The following KIF13A variants were observed in gnomAD, a reference collection of about 807,000 sequenced individuals.
KIF13A encodes kinesin family member 13A, also known as kinesin-like protein KIF13A.
A neutral mutation model predicts 212.2 loss-of-function variants in KIF13A; 79 were observed. That is an observed-to-expected ratio of 0.37 (90% CI 0.31 to 0.45). The LOEUF (loss-of-function observed/expected upper bound fraction) is 0.45, where lower values mean the gene tolerates loss of function less well. Ranked by LOEUF, KIF13A falls within the 20% of genes least tolerant of loss-of-function variation. The pLI, the probability that KIF13A is intolerant of heterozygous loss-of-function variation, is 1.00. For missense variants in KIF13A, 1,901 were observed against 2,209.0 expected (o/e 0.86, Z 2.79); for synonymous variants, 789 against 808.6 (o/e 0.98, Z 0.41).
chr6:17,843,734 G>A lies in KIF13A; in HGVS notation c.830+5643C>T, dbSNP rs532539330. Among the ~76,000 whole-genome samples, 1 of 152,238 alleles carries A rather than the reference G, an allele frequency of 6.6e-6. No homozygotes were observed. Among genetic ancestry groups the A allele is most frequent in the South Asian group, 2.1e-4 (1 of 4,816 alleles). On this transcript the variant is annotated intron_variant, in intron 9 of 38. Coordinates refer to ENST00000259711, the MANE Select transcript of KIF13A (RefSeq NM_022113.6). The surrounding 1 kb of genome is among the most constrained non-coding windows in gnomAD (Gnocchi z 5.3). Reference sequence around the variant, plus strand: ...TGGTTTCTGTTGCTTAGAGCAGAATGCAATCCCTGGCTTTGAAATAATTAG... The same window carrying A: ...TGGTTTCTGTTGCTTAGAGCAGAATACAATCCCTGGCTTTGAAATAATTAG...
At chr6:17,960,975 T>C (rs898788298) in intron 2 of KIF13A, among the ~76,000 whole-genome samples, 1 of 152,230 alleles carries the variant, frequency 6.6e-6, no homozygotes, top group Non-Finnish European at 1.5e-5. Context: ...CTAAGCCTCC[T>C]TTCAAGAAGC....
chr6:17,866,145 A>G (rs1308397764), intron 4 of KIF13A, among the ~76,000 whole-genome samples: 1 of 152,196 alleles, frequency 6.6e-6, no homozygotes, highest in East Asian at 1.9e-4. Context: ...CTTCATTTCT[A>G]TCTTATTTGA....
intron 2 of KIF13A, among the ~76,000 whole-genome samples, chr6:17,972,541 G>A (rs1369662162): frequency 1.3e-5 from 2 of 152,158 alleles, no homozygotes; most frequent in Non-Finnish European, 2.9e-5. Context: ...ATGTTTAAAG[G>A]CTTGTTAATC....
rs917064027 is a variant in KIF13A at position 17,834,289 on chromosome 6, G to A, written c.1156-218C>T. On this transcript the variant is annotated intron_variant, in intron 11 of 38. Coordinates refer to ENST00000259711, the MANE Select transcript of KIF13A (RefSeq NM_022113.6). The surrounding 1 kb of genome is among the most constrained non-coding windows in gnomAD (Gnocchi z 4.0). Reference sequence around the variant, plus strand: ...AAATACCAGTGTCCTGAATGAAAATGAAACAAATCATTAGTCATTTTATCC... The same window carrying A: ...AAATACCAGTGTCCTGAATGAAAATAAAACAAATCATTAGTCATTTTATCC... 5.9e-5 allele frequency among the ~76,000 whole-genome samples: 9 copies of A among 152,184 alleles called. No individual in the cohort carries two copies. The highest frequency in any genetic ancestry group is 1.2e-4 in the Non-Finnish European group (8 of 68,026).
In KIF13A at chr6:17,808,822, G is replaced by T. The variant is rs749165105; in HGVS notation, c.2109C>A (p.Thr703=). 2.5e-6 allele frequency: 4 copies of T among 1,613,750 alleles called. No homozygotes were observed. The South Asian group carries it at 4.4e-5, about 18-fold the overall frequency. The change falls in exon 18 of 39, where the codon ACC becomes ACA. Residue 703 remains threonine (T), a synonymous_variant. Transcript: ENST00000259711. ...GGATCTGAAGAGTCACTTGGTAATC[G>T]GTGAGTTTGCTCATTTCCTCAGCCA... ...NFLAEEMSKL[T]DYQVTLQIPA... is the part of the protein sequence containing the mutation.
In KIF13A at chr6:17,849,677, G is replaced by A. The variant is rs1281738099; in HGVS notation, c.718-188C>T. Among the ~76,000 whole-genome samples the A allele has an allele frequency of 6.6e-5, 10 of 152,194 alleles. No individual in the cohort carries two copies. Among genetic ancestry groups the A allele is most frequent in the African/African-American group, 1.9e-4 (8 of 41,458 alleles). On this transcript the variant is annotated intron_variant, in intron 8 of 38. Coordinates refer to ENST00000259711, the MANE Select transcript of KIF13A (RefSeq NM_022113.6). This position sits in a 1 kb window ranked among gnomAD's most constrained non-coding sequence, Gnocchi z 5.7. ...TTTCATAGTTAACATTTAAATAGGC[G>A]TAGAAATGTAGCATTTTGTTTTGCA...
chr6:17,780,689 G>C (rs375831071), intron 31 of KIF13A, 41 bp downstream of exon 31: 3 of 1,581,664 alleles, frequency 1.9e-6, no homozygotes, highest in Non-Finnish European at 2.6e-6. Flanking sequence ...AAAATCTTTT[G>C]AGCTCAGAGC....
In KIF13A at chr6:17,975,437, C is replaced by G. The variant is rs574684118; in HGVS notation, c.146+11617G>C. Among the ~76,000 whole-genome samples, 9 of 152,224 alleles carry G rather than the reference C, an allele frequency of 5.9e-5. 1 individual carries two copies. The South Asian group carries it at 1.9e-3, about 32-fold the overall frequency. On this transcript the variant is annotated intron_variant, in intron 2 of 38. Transcript: ENST00000259711. ...TCCTTTTGGTGGGTTCGTGATCTCG[C>G]TAGCTTACAAAAGTGAAGCTACAGA...
chr6:17,928,153 T>C (rs924535233), intron 2 of KIF13A, among the ~76,000 whole-genome samples: 5 of 152,238 alleles, frequency 3.3e-5, no homozygotes, highest in African/African-American at 9.6e-5. Context: ...TCTGTGAAGC[T>C]AGTCACCTGG....
At chr6:17,941,787 T>C (rs1427154875) in intron 2 of KIF13A, among the ~76,000 whole-genome samples, 1 of 150,882 alleles carries the variant, frequency 6.6e-6, no homozygotes, top group African/African-American at 2.4e-5. Context: ...CCAATACATT[T>C]GCTTTTTTTT....
intron 2 of KIF13A, among the ~76,000 whole-genome samples, chr6:17,925,423 C>T (rs1775418913): frequency 6.6e-6 from 1 of 152,160 alleles, no homozygotes; most frequent in Non-Finnish European, 1.5e-5. Context: ...CTTTGAGATG[C>T]TTATTAGACA....
downstream of KIF13A, among the ~76,000 whole-genome samples, chr6:17,761,356 C>T (rs1355787282): frequency 2.6e-5 from 4 of 151,968 alleles, no homozygotes; most frequent in Non-Finnish European, 4.4e-5. Context: ...GCTAGGACTA[C>T]GGGCGTGAGC....
In KIF13A at chr6:17,764,186, C is replaced by T. The variant is rs759299890; in HGVS notation, c.5342G>A (p.Ser1781Asn). 1.9e-6 allele frequency: 3 copies of T among 1,614,038 alleles called. No individual in the cohort carries two copies. Among genetic ancestry groups the T allele is most frequent in the Non-Finnish European group, 2.5e-6 (3 of 1,179,894 alleles). ...ATTCTCTAACTTGGAATGCAGCTGG[C>T]TGGGGTGGTGGAGCCCATCGGAGAC... ...KTVSDGLHHP[S>N]QLHSKLENDQ... The change falls in exon 39 of 39, where the codon AGC (serine) becomes AAC (asparagine). Residue 1781 changes from serine to asparagine, a missense_variant. Transcript: ENST00000259711. The surrounding 1 kb of genome is among the most constrained non-coding windows in gnomAD (Gnocchi z 5.1).
Position 17,882,974 on chromosome 6 carries a change from C to T in KIF13A, c.160-9537G>A, listed in dbSNP as rs561790645. Among the ~76,000 whole-genome samples the T allele has an allele frequency of 3.3e-5, 5 of 152,152 alleles. No individual in the cohort carries two copies. The East Asian group carries it at 9.6e-4, about 29-fold the overall frequency. On this transcript the variant is annotated intron_variant, in intron 3 of 38. Coordinates refer to ENST00000259711, the MANE Select transcript of KIF13A (RefSeq NM_022113.6). Reference sequence around the variant, plus strand: ...GTATACATCTATTTATATACAATTCCCTTTGTTCTGCTACAATATTAATTC... The same window carrying T: ...GTATACATCTATTTATATACAATTCTCTTTGTTCTGCTACAATATTAATTC...
chr6:17,780,357 C>T lies in KIF13A; in HGVS notation c.3846+373G>A, dbSNP rs138541708. ...CTGACAGCACCTCTGAGATGGGATC[C>T]GTCAAAGCAGTAGGATAGGGATTTG... is the stretch of plus-strand genomic sequence containing the variant. On this transcript the variant is annotated intron_variant, in intron 31 of 38. Coordinates refer to ENST00000259711, the MANE Select transcript of KIF13A (RefSeq NM_022113.6). Among the ~76,000 whole-genome samples the T allele has an allele frequency of 3.1e-3, 469 of 152,324 alleles. 5 individuals are homozygous for T. Among genetic ancestry groups the T allele is most frequent in the African/African-American group, 0.011 (439 of 41,574 alleles).
In KIF13A at chr6:17,968,446, G is replaced by A. The variant is rs901135679; in HGVS notation, c.146+18608C>T. On this transcript the variant is annotated intron_variant, in intron 2 of 38. Coordinates refer to ENST00000259711, the MANE Select transcript of KIF13A (RefSeq NM_022113.6). This position sits in a 1 kb window ranked among gnomAD's most constrained non-coding sequence, Gnocchi z 4.7. ...TGCCCAACTACATCAGGTTGGTGTA[G>A]GGTCCATTCATCCAGTCTGGGACCA... Among the ~76,000 whole-genome samples the A allele has an allele frequency of 6.6e-6, 1 of 152,188 alleles. No individual in the cohort carries two copies. Among genetic ancestry groups the A allele is most frequent in the Non-Finnish European group, 1.5e-5 (1 of 68,036 alleles).
At chr6:17,956,606 A>C (rs1463808355) in intron 2 of KIF13A, among the ~76,000 whole-genome samples, 1 of 152,240 alleles carries the variant, frequency 6.6e-6, no homozygotes, top group Non-Finnish European at 1.5e-5. Flanking sequence ...TTCCTGGCTC[A>C]TAACTCCCAT....
Position 17,971,226 on chromosome 6 carries a change from T to C in KIF13A, c.146+15828A>G, listed in dbSNP as rs1056967749. Among the ~76,000 whole-genome samples the C allele has an allele frequency of 6.6e-6, 1 of 152,184 alleles. No individual in the cohort carries two copies. Among genetic ancestry groups the C allele is most frequent in the Non-Finnish European group, 1.5e-5 (1 of 68,020 alleles). ...ATCGCACACACCAGGGACACCTAAC[T>C]GTACTTCACAGTTCAGAGTTCACAT... On this transcript the variant is annotated intron_variant, in intron 2 of 38. Transcript: ENST00000259711. This position sits in a 1 kb window ranked among gnomAD's most constrained non-coding sequence, Gnocchi z 4.2.
chr6:17,827,158 AACT>A (rs1324695513), intron 14 of KIF13A, among the ~76,000 whole-genome samples: 1 of 152,128 alleles, frequency 6.6e-6, no homozygotes, highest in Non-Finnish European at 1.5e-5. Context: ...GCAATGGAGC[AACT>A]ACGACTCACT....
Sources: allele counts gnomAD v4.1 joint callset (sites outside exome capture counted in the v4.1 genomes callset), GRCh38; gene constraint gnomAD v4.1.1; non-coding constraint Gnocchi (gnomAD v3.1); transcripts MANE v1.5; gene names NCBI Gene and HGNC (gene_info 2026-07-23, HGNC 2026-07-21).